The following PTPN14 variants were observed in gnomAD, a reference collection of about 807,000 sequenced individuals.
The protein encoded by PTPN14 is tyrosine-protein phosphatase non-receptor type 14.
A neutral mutation model predicts 126.8 loss-of-function variants in PTPN14; 53 were observed. The observed-to-expected ratio is 0.42, with a 90% CI of 0.34 to 0.53. PTPN14 has a LOEUF of 0.53. PTPN14 is among the 20% of genes least tolerant of loss of function. The pLI is 0.08. For synonymous variants in PTPN14, 630 were observed against 599.3 expected (o/e 1.05, Z -0.75); for missense variants, 1,257 against 1,552.9 (o/e 0.81, Z 3.20).
chr1:214,520,065 A>AATATATATATATATATATATATATATAT (rs1553274995), intron 1 of PTPN14, among the ~76,000 whole-genome samples: 1 of 71,112 alleles, frequency 1.4e-5, no homozygotes, highest in African/African-American at 7.3e-5. Flanking sequence ...AAAAAAAAAA[A>AATATATATATATATATATATATATATAT]ATATATATAT....
chr1:214,406,548 G>A (rs944042996), intron 5 of PTPN14, among the ~76,000 whole-genome samples: 2 of 151,414 alleles, frequency 1.3e-5, no homozygotes, highest in Non-Finnish European at 2.9e-5. Flanking sequence ...TATTTAACTT[G>A]CATTAATTTA....
rs918372070 is a variant in PTPN14, at chr1:214,394,937, C to T, written c.808G>A (p.Glu270Lys). The change falls in exon 9 of 19, where the codon GAG becomes AAG. Residue 270 changes from glutamate (E) to lysine (K), a missense_variant. This residue lies in a region of PTPN14 where 1,021 missense variants were observed against 1,183.3 expected (regional missense o/e 0.86). Coordinates refer to ENST00000366956, the MANE Select transcript of PTPN14 (RefSeq NM_005401.5). ...ITHNKSTILVELINKEETALF... is the reference protein window; with the variant it reads ...ITHNKSTILVKLINKEETALF... ...GCAGTCTCTTCTTTGTTGATGAGCT[C>T]CACTAGAATGGTCGACTTGTTATGA... The T allele has an allele frequency of 3.7e-6, 6 of 1,613,782 alleles. No individual in the cohort carries two copies.
chr1:214,544,063 A>T (rs1009877333), intron 1 of PTPN14, among the ~76,000 whole-genome samples: 1 of 152,144 alleles, frequency 6.6e-6, no homozygotes, highest in South Asian at 2.1e-4. Flanking sequence ...TAGAGGAGAT[A>T]GGAAGGTAAA....
At chr1:214,532,589 T>C in intron 1 of PTPN14, 1 of 1,032,276 alleles carries the variant, frequency 9.7e-7, no homozygotes, top group Non-Finnish European at 1.5e-6. Flanking sequence ...ATCGAGGACC[T>C]GAGGGCTCAG....
At chr1:214,470,358 A>T (rs77238137) in intron 1 of PTPN14, among the ~76,000 whole-genome samples, 2,293 of 152,228 alleles carry the variant, frequency 0.015, 62 homozygotes, top group African/African-American at 0.052. Flanking sequence ...ATTTTTTTCT[A>T]ATTTCAAAAC....
chr1:214,532,397 AG>A, intron 1 of PTPN14: 1 of 669,132 alleles, frequency 1.5e-6, no homozygotes, highest in South Asian at 1.6e-5. Flanking sequence ...GGGGCCTGGC[AG>A]GAATAGGAGG....
intron 1 of PTPN14, among the ~76,000 whole-genome samples, chr1:214,477,270 G>A (rs778707890): frequency 2.0e-5 from 3 of 152,198 alleles, no homozygotes; most frequent in Non-Finnish European, 2.9e-5. Flanking sequence ...CCCAACTGAT[G>A]TAACCAAATG....
Position 214,352,607 on chromosome 1 carries a change from T to A in PTPN14, c.*5315A>T, listed in dbSNP as rs1441258798. ...TAGAAGCTTAAGTAAAGACAAGAACTATTTTGCTTCCTTGCTCAGCGTTCA... is the reference window on the plus strand; with the variant it reads ...TAGAAGCTTAAGTAAAGACAAGAACAATTTTGCTTCCTTGCTCAGCGTTCA... On this transcript the variant is annotated 3_prime_UTR_variant, in exon 19 of 19. Transcript: ENST00000366956. 6.6e-6 allele frequency: 1 copy of A among 152,238 alleles called. No homozygotes were observed. Among genetic ancestry groups the A allele is most frequent in the African/African-American group, 2.4e-5 (1 of 41,466 alleles). 9.4% of individuals were successfully genotyped at this position (152,238 alleles called of 1,614,324 possible).
intron 11 of PTPN14, among the ~76,000 whole-genome samples, chr1:214,388,010 G>A (rs911386712): frequency 2.6e-5 from 4 of 152,086 alleles, no homozygotes; most frequent in South Asian, 2.1e-4. Flanking sequence ...CCACCGCAGT[G>A]CAGAATCTTC....
At chr1:214,425,468 T>C (rs534082980) in intron 3 of PTPN14, among the ~76,000 whole-genome samples, 1 of 152,348 alleles carries the variant, frequency 6.6e-6, no homozygotes, top group African/African-American at 2.4e-5. Flanking sequence ...ATCAAACAAC[T>C]TAATTATGTG....
chr1:214,382,444 C>T (rs935487350), intron 13 of PTPN14, among the ~76,000 whole-genome samples: 1 of 152,204 alleles, frequency 6.6e-6, no homozygotes, highest in African/African-American at 2.4e-5. Flanking sequence ...ACCTCAGCCT[C>T]CTGATTAGCT....
At chr1:214,458,818 G>A (rs1438415183) in intron 2 of PTPN14, among the ~76,000 whole-genome samples, 1 of 152,068 alleles carries the variant, frequency 6.6e-6, no homozygotes, top group East Asian at 1.9e-4. Flanking sequence ...AACTGAGATA[G>A]GGCTCCAGAT....
chr1:214,455,633 T>C (rs1660365688), intron 2 of PTPN14, among the ~76,000 whole-genome samples: 1 of 152,186 alleles, frequency 6.6e-6, no homozygotes, highest in Admixed American at 6.5e-5. Flanking sequence ...ACCACATCCC[T>C]GAACCACTTA....
intron 2 of PTPN14, among the ~76,000 whole-genome samples, chr1:214,452,554 T>TC (rs1660295273): frequency 6.6e-6 from 1 of 152,174 alleles, no homozygotes; most frequent in Admixed American, 6.5e-5. Flanking sequence ...AGCAAATCTC[T>TC]CCCCATATCA....
chr1:214,471,419 T>C (rs961508472), intron 1 of PTPN14, among the ~76,000 whole-genome samples: 2 of 152,176 alleles, frequency 1.3e-5, no homozygotes, highest in Non-Finnish European at 2.9e-5. Flanking sequence ...TACTCACTTA[T>C]GAAGTTAATA....
rs749162774 is a variant in PTPN14 at position 214,402,957 on chromosome 1, T to A, written c.511-4A>T. 3 of 1,613,900 alleles carry A rather than the reference T, an allele frequency of 1.9e-6. No homozygotes were observed. Among genetic ancestry groups the A allele is most frequent in the Non-Finnish European group, 1.7e-6 (2 of 1,179,834 alleles). On this transcript the variant is annotated splice_polypyrimidine_tract_variant and splice_region_variant and intron_variant, in intron 5 of 18. Transcript: ENST00000366956. ...CAGCCTCTTCCAGGGCCAAATCCTA[T>A]AAGAATAGAAAGTGCTTAAGGTCAC...
chr1:214,446,957 T>A (rs1660158003), intron 3 of PTPN14, among the ~76,000 whole-genome samples: 1 of 152,160 alleles, frequency 6.6e-6, no homozygotes, highest in Non-Finnish European at 1.5e-5. Context: ...CTCCAACGGG[T>A]TGCCCGCAAA....
rs1361261912 is a variant in PTPN14, at chr1:214,383,707, C to T, written c.2148G>A (p.Glu716=). 3 of 1,514,854 alleles carry T rather than the reference C, an allele frequency of 2.0e-6. No individual in the cohort carries two copies. Among genetic ancestry groups the T allele is most frequent in the Admixed American group, 1.8e-5 (1 of 54,516 alleles). 93.8% of individuals were successfully genotyped at this position (1,514,854 alleles called of 1,614,324 possible). A position where few individuals can be genotyped will look rare whatever the true frequency, so the allele number is the denominator to read the frequency against. ...GGATCTGGGGCACCGATTCTGGAGC[C>T]TCCTCCTCCTCCTCCTCACTCTCGC... is the stretch of plus-strand genomic sequence containing the variant. The part of the protein sequence containing the change: ...HSSESEEEEE[E]APESVPQIPM... The change falls in exon 13 of 19, where the codon GAG becomes GAA. Residue 716 remains glutamate, a synonymous_variant. Transcript: ENST00000366956. This position sits in a 1 kb window ranked among gnomAD's most constrained non-coding sequence, Gnocchi z 4.4.
At chr1:214,419,781 A>G (rs1250003280) in intron 3 of PTPN14, among the ~76,000 whole-genome samples, 1 of 152,196 alleles carries the variant, frequency 6.6e-6, no homozygotes, top group African/African-American at 2.4e-5. Context: ...TGACAGAGAT[A>G]CCCATAGGAA....
Sources: allele counts gnomAD v4.1 joint callset (sites outside exome capture counted in the v4.1 genomes callset), GRCh38; gene constraint gnomAD v4.1.1; regional missense constraint gnomAD v4.1.1; non-coding constraint Gnocchi (gnomAD v3.1); transcripts MANE v1.5; gene names NCBI Gene and HGNC (gene_info 2026-07-23, HGNC 2026-07-21).